The following CNTLN variants were observed in gnomAD, a reference collection of about 807,000 sequenced individuals.
CNTLN encodes the protein centlein, centrosomal protein.
In CNTLN, 212 loss-of-function variants were observed where a neutral mutation model predicts 180.0. That is an observed-to-expected ratio of 1.18 (90% CI 1.05 to 1.32). The LOEUF is 1.32. Ranked by LOEUF, CNTLN falls within the 40% of genes most tolerant of loss-of-function variation. The pLI is 0.00. For missense variants in CNTLN, 2,095 were observed against 1,610.9 expected (o/e 1.30, Z -5.14); for synonymous variants, 722 against 563.1 (o/e 1.28, Z -3.99).
intron 12 of CNTLN, among the ~76,000 whole-genome samples, chr9:17,365,064 G>A (rs924574946): frequency 1.3e-5 from 2 of 152,186 alleles, no homozygotes; most frequent in Non-Finnish European, 2.9e-5. Flanking sequence ...AGGGCCATGG[G>A]TCTAAATGTC....
intron 2 of CNTLN, among the ~76,000 whole-genome samples, chr9:17,208,297 T>G (rs1289566410): frequency 6.6e-6 from 1 of 152,202 alleles, no homozygotes; most frequent in East Asian, 1.9e-4. Context: ...TGTTGAACTA[T>G]TATTGCTTCC....
chr9:17,290,852 TC>T (rs1829342422), intron 6 of CNTLN, among the ~76,000 whole-genome samples: 1 of 152,156 alleles, frequency 6.6e-6, no homozygotes, highest in Non-Finnish European at 1.5e-5. Flanking sequence ...AGGCAATGCC[TC>T]GCCCTGCTTC....
intron 15 of CNTLN, among the ~76,000 whole-genome samples, chr9:17,402,470 C>T (rs1477792949): frequency 6.6e-6 from 1 of 151,822 alleles, no homozygotes; most frequent in Non-Finnish European, 1.5e-5. Flanking sequence ...GAGGGGATGA[C>T]ACTGTGAAAA....
At chr9:17,507,468 C>A (rs1487051800), downstream of CNTLN, among the ~76,000 whole-genome samples, 1 of 152,116 alleles carries the variant, frequency 6.6e-6, no homozygotes, top group East Asian at 1.9e-4. Context: ...AAGTAGATAT[C>A]ATTTTAATAG....
chr9:17,380,031 A>G (rs1479264280), intron 13 of CNTLN, among the ~76,000 whole-genome samples: 2 of 152,212 alleles, frequency 1.3e-5, no homozygotes, highest in Non-Finnish European at 2.9e-5. Flanking sequence ...TAGCTGCTCG[A>G]AGAGAACAAA....
At chr9:17,296,308 G>A (rs916604393) in intron 6 of CNTLN, among the ~76,000 whole-genome samples, 21 of 152,012 alleles carry the variant, frequency 1.4e-4, no homozygotes, top group African/African-American at 2.7e-4. Context: ...GTGAGCCATC[G>A]CACCCTGCCT....
chr9:17,206,206 T>A (rs1822910146), intron 2 of CNTLN, among the ~76,000 whole-genome samples: 1 of 152,200 alleles, frequency 6.6e-6, no homozygotes, highest in African/African-American at 2.4e-5. Flanking sequence ...ATAACACTTG[T>A]AATCCAACCT....
At chr9:17,330,937 T>A in intron 9 of CNTLN, 129 bp downstream of exon 9, 1 of 758,998 alleles carries the variant, frequency 1.3e-6, no homozygotes, top group Non-Finnish European at 2.1e-6. Context: ...AAATATTATG[T>A]ACCGAACTCT....
chr9:17,269,727 CTGT>C (rs1384887243), intron 5 of CNTLN, among the ~76,000 whole-genome samples: 12 of 151,944 alleles, frequency 7.9e-5, no homozygotes, highest in Admixed American at 2.6e-4. Flanking sequence ...AATGTATATT[CTGT>C]TGTTGTTGAG....
In CNTLN at chr9:17,273,766, G is replaced by T; in HGVS notation, c.883G>T (p.Glu295Ter). The change falls in exon 6 of 26, where the codon GAA becomes TAA. Residue 295 changes from glutamate (E) to a stop codon, truncating the protein, a stop_gained. Transcript: ENST00000380647. LOFTEE classifies it high-confidence loss of function. ...FEDNLIEARK[E>*]VEVSQSKYNA... Reference sequence around the variant, plus strand: ...AGACAATTTAATTGAAGCAAGGAAAGAAGTTGAAGTATCACAGAGTAAATA... The same window carrying T: ...AGACAATTTAATTGAAGCAAGGAAATAAGTTGAAGTATCACAGAGTAAATA... The T allele has an allele frequency of 6.5e-7, 1 of 1,545,770 alleles. No individual in the cohort carries two copies. Among genetic ancestry groups the T allele is most frequent in the Non-Finnish European group, 8.7e-7 (1 of 1,148,136 alleles).
chr9:17,336,905 G>A (rs1821080598), intron 10 of CNTLN, among the ~76,000 whole-genome samples: 1 of 152,080 alleles, frequency 6.6e-6, no homozygotes, highest in South Asian at 2.1e-4. Context: ...CTTCCACAAT[G>A]GTTGAACTAA....
chr9:17,413,731 G>T (rs1223580228), intron 16 of CNTLN, among the ~76,000 whole-genome samples: 1 of 152,116 alleles, frequency 6.6e-6, no homozygotes, highest in East Asian at 1.9e-4. Flanking sequence ...CTGACCAAGG[G>T]ACAGGGAAAC....
chr9:17,472,201 T>C (rs1832075014), intron 23 of CNTLN, among the ~76,000 whole-genome samples: 1 of 152,148 alleles, frequency 6.6e-6, no homozygotes, highest in Admixed American at 6.5e-5. Context: ...TAGGTACCTC[T>C]TTAATGATAC....
At chr9:17,454,658 G>A (rs997030587) in intron 18 of CNTLN, among the ~76,000 whole-genome samples, 10 of 152,168 alleles carry the variant, frequency 6.6e-5, no homozygotes, top group East Asian at 1.9e-4. Context: ...AATGCTGCAC[G>A]TTGAACATCT....
At chr9:17,181,329 G>T (rs1303465601) in intron 2 of CNTLN, among the ~76,000 whole-genome samples, 1 of 152,116 alleles carries the variant, frequency 6.6e-6, no homozygotes, top group African/African-American at 2.4e-5. Context: ...CTATTGAGTT[G>T]GGTTTTGTAC....
chr9:17,492,649 G>T (rs555142184), intron 25 of CNTLN, among the ~76,000 whole-genome samples: 25 of 152,190 alleles, frequency 1.6e-4, no homozygotes, highest in African/African-American at 5.8e-4. Context: ...AATGTAAAAG[G>T]GTGCTGTTAT....
intron 6 of CNTLN, among the ~76,000 whole-genome samples, chr9:17,284,721 AT>A (rs755653179): frequency 6.6e-6 from 1 of 151,560 alleles, no homozygotes. Flanking sequence ...GGATTCATTG[AT>A]TTTTTTGGAA....
chr9:17,416,239 G>T, intron 18 of CNTLN, 50 bp downstream of exon 18: 8 of 1,434,688 alleles, frequency 5.6e-6, no homozygotes, highest in Non-Finnish European at 7.6e-6. Flanking sequence ...TGTAAAAGTG[G>T]ATATTTTGTT....
At chr9:17,365,316 G>T (rs910802207) in intron 12 of CNTLN, among the ~76,000 whole-genome samples, 1 of 152,086 alleles carries the variant, frequency 6.6e-6, no homozygotes, top group South Asian at 2.1e-4. Context: ...TTCCCCTTCT[G>T]CCATGAATGT....
Sources: allele counts gnomAD v4.1 joint callset (sites outside exome capture counted in the v4.1 genomes callset), GRCh38; gene constraint gnomAD v4.1.1; transcripts MANE v1.5; gene names NCBI Gene and HGNC (gene_info 2026-07-23, HGNC 2026-07-21).